The following MAST4 variants were observed in gnomAD, a reference collection of about 807,000 sequenced individuals.
MAST4 encodes the protein microtubule associated serine/threonine kinase family member 4.
Under a neutral mutation model 162.7 loss-of-function variants are expected in MAST4, and 89 were observed. The observed-to-expected ratio is 0.55, with a 90% CI of 0.46 to 0.65. The LOEUF (loss-of-function observed/expected upper bound fraction) is 0.65, where lower values mean the gene tolerates loss of function less well. Among genes scored for constraint, MAST4 ranks in the 30% least tolerant of loss-of-function variants. MAST4 has a pLI of 0.00. For missense variants in MAST4, 3,153 were observed against 3,374.0 expected (o/e 0.93, Z 1.62); for synonymous variants, 1,479 against 1,361.1 (o/e 1.09, Z -1.91).
At chr5:66,713,905 A>G (rs1302765954) in intron 1 of MAST4, among the ~76,000 whole-genome samples, 2 of 152,222 alleles carry the variant, frequency 1.3e-5, no homozygotes, top group Admixed American at 6.5e-5. Context: ...GACAATCACA[A>G]TAGCTGAAAT....
chr5:67,115,745 CT>C (rs1236255700), intron 12 of MAST4, among the ~76,000 whole-genome samples: 1 of 152,146 alleles, frequency 6.6e-6, no homozygotes, highest in African/African-American at 2.4e-5. Flanking sequence ...AAAATGATGC[CT>C]TAGCTTCCTG....
chr5:66,901,546 A>G (rs777900899), intron 4 of MAST4, among the ~76,000 whole-genome samples: 8 of 152,118 alleles, frequency 5.3e-5, no homozygotes, highest in Non-Finnish European at 8.8e-5. Context: ...ATAATGACAT[A>G]AGTTTGTTTG....
intron 4 of MAST4, among the ~76,000 whole-genome samples, chr5:67,006,816 A>G (rs1369907762): frequency 6.6e-6 from 1 of 152,164 alleles, no homozygotes; most frequent in Non-Finnish European, 1.5e-5. Context: ...CCTAGATTCT[A>G]AGGAAACCTG....
chr5:66,609,052 A>ATTT (rs33928003), intron 1 of MAST4, among the ~76,000 whole-genome samples: 15 of 130,108 alleles, frequency 1.2e-4, no homozygotes, highest in South Asian at 2.5e-4. Flanking sequence ...TCTCCCTTAG[A>ATTT]TTTTTTTTTT....
intron 4 of MAST4, among the ~76,000 whole-genome samples, chr5:66,991,090 C>G (rs889028410): frequency 6.6e-5 from 10 of 152,186 alleles, no homozygotes; most frequent in African/African-American, 2.2e-4. Context: ...AGGGATGTTA[C>G]AGAGACTACA....
At chr5:66,819,940 ATTT>A (rs1347035255) in intron 3 of MAST4, among the ~76,000 whole-genome samples, 3 of 147,160 alleles carry the variant, frequency 2.0e-5, no homozygotes, top group Non-Finnish European at 4.5e-5. Flanking sequence ...TACCCAGCTA[ATTT>A]TTGTGGGGTT....
chr5:66,678,176 G>T (rs1748083047), intron 1 of MAST4, among the ~76,000 whole-genome samples: 1 of 151,968 alleles, frequency 6.6e-6, no homozygotes, highest in South Asian at 2.1e-4. Context: ...CATACTGCAT[G>T]ATTTCCCTTA....
chr5:67,140,798 G>A (rs770463699), intron 19 of MAST4, among the ~76,000 whole-genome samples: 12 of 152,342 alleles, frequency 7.9e-5, no homozygotes, highest in Non-Finnish European at 1.6e-4. Context: ...TTGGCCCTCA[G>A]TCATAGCTGC....
intron 1 of MAST4, among the ~76,000 whole-genome samples, chr5:66,603,283 A>G (rs1742668267): frequency 6.6e-6 from 1 of 152,248 alleles, no homozygotes; most frequent in Non-Finnish European, 1.5e-5. Context: ...CTGTTAAGAC[A>G]CCGTTTCTCT....
At position 67,152,791 on chromosome 5, in the gene MAST4, CTACGGCTT is replaced by C. The variant is rs753809938; in HGVS notation, c.3454_3461del (p.Gly1152HisfsTer12). 6.2e-7 allele frequency: 1 copy of C among 1,614,056 alleles called. No individual in the cohort carries two copies. The stretch of plus-strand genomic sequence containing the variant: ...TTGTGATCCACAGTTCGGGGAAGAA[CTACGGCTT>C]TACCATCCGAGCCATCCGGGTGTAT... On this transcript the variant is annotated frameshift_variant, in exon 25 of 29. Coordinates refer to ENST00000403625, the MANE Select transcript of MAST4 (RefSeq NM_001164664.2). LOFTEE classifies it high-confidence loss of function.
intron 4 of MAST4, among the ~76,000 whole-genome samples, chr5:66,985,010 T>C (rs975881341): frequency 1.1e-4 from 17 of 152,120 alleles, no homozygotes; most frequent in African/African-American, 4.1e-4. Flanking sequence ...TTGGGACTTT[T>C]AGGAAAGTAG....
chr5:66,832,989 T>G (rs1331131595), intron 3 of MAST4, among the ~76,000 whole-genome samples: 1 of 152,166 alleles, frequency 6.6e-6, no homozygotes, highest in African/African-American at 2.4e-5. Context: ...TTGGAGGAGT[T>G]CAATTTCTGC....
At chr5:66,858,624 CTTCTT>C (rs1759858971) in intron 3 of MAST4, among the ~76,000 whole-genome samples, 1 of 152,020 alleles carries the variant, frequency 6.6e-6, no homozygotes, top group Non-Finnish European at 1.5e-5. Context: ...TATTTTTGTT[CTTCTT>C]TTATTTAGAA....
chr5:67,035,823 G>T (rs1755954605), intron 4 of MAST4, among the ~76,000 whole-genome samples: 2 of 152,304 alleles, frequency 1.3e-5, no homozygotes, highest in South Asian at 2.1e-4. Flanking sequence ...CACATGGTTA[G>T]CTACATGATC....
At chr5:67,151,775 T>A (rs1325205121) in intron 24 of MAST4, among the ~76,000 whole-genome samples, 2 of 147,546 alleles carry the variant, frequency 1.4e-5, no homozygotes, top group African/African-American at 5.0e-5. Flanking sequence ...TTCTTTTTTT[T>A]TTTTTTTTTT....
rs151016381 is a variant in MAST4 at position 67,010,507 on chromosome 5, G to A, written c.675-43897G>A. Among the ~76,000 whole-genome samples the A allele has an allele frequency of 2.4e-4, 37 of 152,280 alleles. 3 individuals carry two copies. In the East Asian group the frequency reaches 7.1e-3, roughly 29 times the overall value. ...AAGAGCCCCCTAGGCAGGCAGCTGA[G>A]TACATAAATCCAGGGCACTCAGGCA... On this transcript the variant is annotated intron_variant, in intron 4 of 28. Transcript: ENST00000403625.
At chr5:67,027,066 AATT>A (rs1754739287) in intron 4 of MAST4, among the ~76,000 whole-genome samples, 1 of 152,150 alleles carries the variant, frequency 6.6e-6, no homozygotes, top group Non-Finnish European at 1.5e-5. Context: ...ATGTTTATAT[AATT>A]ATTGTAAAAT....
intron 5 of MAST4, among the ~76,000 whole-genome samples, chr5:67,071,529 C>T (rs563011886): frequency 9.3e-5 from 14 of 151,262 alleles, no homozygotes; most frequent in African/African-American, 2.4e-4. Context: ...AAGGGGGGGG[C>T]GGGGTGTATC....
intron 2 of MAST4, among the ~76,000 whole-genome samples, chr5:66,769,214 GTCAT>G (rs1754250806): frequency 6.6e-6 from 1 of 152,158 alleles, no homozygotes; most frequent in Non-Finnish European, 1.5e-5. Context: ...CTGGTCAAGG[GTCAT>G]TCATAAGAGT....
Sources: gnomAD v4.1 joint callset for allele counts (sites outside exome capture counted in the v4.1 genomes callset) on GRCh38, gnomAD v4.1.1 for gene constraint, MANE v1.5 for transcripts, NCBI Gene and HGNC (gene_info 2026-07-23, HGNC 2026-07-21) for gene names.